The following CDK14 variants were observed in gnomAD, a reference collection of about 807,000 sequenced individuals.
CDK14 encodes cyclin dependent kinase 14.
A neutral mutation model predicts 60.7 loss-of-function variants in CDK14; 34 were observed. The observed-to-expected ratio is 0.56, with a 90% CI of 0.43 to 0.75. CDK14 has a LOEUF of 0.75. Among genes scored for constraint, CDK14 ranks in the 30% least tolerant of loss-of-function variants. CDK14 has a pLI of 0.00. For missense variants in CDK14, 482 were observed against 564.1 expected, an observed-to-expected ratio of 0.85 and a Z score of 1.47; for synonymous variants, 197 against 203.7, an observed-to-expected ratio of 0.97 and a Z score of 0.28.
chr7:90,948,741 C>G (rs1362973885), intron 8 of CDK14, among the ~76,000 whole-genome samples: 1 of 152,112 alleles, frequency 6.6e-6, no homozygotes, highest in Non-Finnish European at 1.5e-5. Context: ...GTTTGCTGAC[C>G]CCAGATCTCA....
chr7:90,957,959 A>T (rs1055016629), intron 9 of CDK14, among the ~76,000 whole-genome samples: 5 of 152,152 alleles, frequency 3.3e-5, no homozygotes, highest in Admixed American at 3.3e-4. Context: ...AATAGGAGTC[A>T]TTTTCCCTGA....
At chr7:90,619,542 A>C (rs1289581186) in intron 2 of CDK14, among the ~76,000 whole-genome samples, 2 of 152,246 alleles carry the variant, frequency 1.3e-5, no homozygotes, top group African/African-American at 2.4e-5. Flanking sequence ...TGAACATAAA[A>C]TACTGATTAT....
At chr7:90,969,480 C>T (rs1794856930) in intron 9 of CDK14, among the ~76,000 whole-genome samples, 1 of 152,122 alleles carries the variant, frequency 6.6e-6, no homozygotes, top group African/African-American at 2.4e-5. Flanking sequence ...AAGATAATTA[C>T]CCATGAATAA....
chr7:90,899,256 A>T, intron 6 of CDK14, 35 bp from the exon 7 acceptor site: 1 of 1,494,520 alleles, frequency 6.7e-7, no homozygotes, highest in Non-Finnish European at 9.2e-7. Context: ...TTATAGCCAG[A>T]GGGTTATTAA....
At chr7:90,632,664 G>A (rs1440209748) in intron 2 of CDK14, 2 of 152,378 alleles carry the variant, frequency 1.3e-5, no homozygotes, top group African/African-American at 4.8e-5. Flanking sequence ...GTTGTAATGA[G>A]GAGTGTTGGC....
At chr7:90,835,740 C>G (rs183203196) in intron 5 of CDK14, among the ~76,000 whole-genome samples, 1 of 152,098 alleles carries the variant, frequency 6.6e-6, no homozygotes, top group Non-Finnish European at 1.5e-5. Flanking sequence ...TCCTGCATCA[C>G]TTAATAACAG....
At chr7:90,946,217 G>A (rs1794095152) in intron 8 of CDK14, among the ~76,000 whole-genome samples, 1 of 152,306 alleles carries the variant, frequency 6.6e-6, no homozygotes, top group Non-Finnish European at 1.5e-5. Flanking sequence ...ATTGTGGTAT[G>A]TATTTATTTC....
At chr7:90,979,525 T>C (rs1795170878) in intron 9 of CDK14, 1 of 152,234 alleles carries the variant, frequency 6.6e-6, no homozygotes, top group Non-Finnish European at 1.5e-5. Flanking sequence ...GAATACGTTA[T>C]AATTACTGTG....
intron 8 of CDK14, among the ~76,000 whole-genome samples, chr7:90,922,927 T>C (rs1290734042): frequency 6.6e-6 from 1 of 152,126 alleles, no homozygotes; most frequent in Admixed American, 6.5e-5. Flanking sequence ...GCTTCCCATA[T>C]GCACAGCCTC....
At chr7:90,923,705 T>C (rs1793324292) in intron 8 of CDK14, among the ~76,000 whole-genome samples, 1 of 152,264 alleles carries the variant, frequency 6.6e-6, no homozygotes, top group Non-Finnish European at 1.5e-5. Flanking sequence ...GGACTGATCA[T>C]CTTATTCTCC....
chr7:91,109,546 A>G lies in CDK14; in HGVS notation c.1155-2996A>G, dbSNP rs186875509. The stretch of plus-strand genomic sequence containing the variant: ...CCAAAAGAAGACAGGTAAAGAGAAA[A>G]AAGGTAAAGGCGGACAAAATAGGAT... On this transcript the variant is annotated intron_variant, in intron 12 of 14. Coordinates refer to ENST00000380050, the MANE Select transcript of CDK14 (RefSeq NM_001287135.2). Among the ~76,000 whole-genome samples the G allele has an allele frequency of 2.4e-3, 369 of 152,286 alleles. 2 individuals are homozygous for G. Among genetic ancestry groups the G allele is most frequent in the African/African-American group, 8.4e-3 (351 of 41,576 alleles).
In CDK14 at chr7:91,208,140, T is replaced by G. The variant is rs1356188277; in HGVS notation, c.*1004T>G. On this transcript the variant is annotated 3_prime_UTR_variant, in exon 15 of 15. Coordinates refer to ENST00000380050, the MANE Select transcript of CDK14 (RefSeq NM_001287135.2). Reference sequence around the variant, plus strand: ...GTTTGCTTAGTTACAACAAAGCACCTTTAAAAAAAATACATTTTAAAAAAA... The same window carrying G: ...GTTTGCTTAGTTACAACAAAGCACCGTTAAAAAAAATACATTTTAAAAAAA... 4 of 152,638 alleles carry G rather than the reference T, an allele frequency of 2.6e-5. No homozygotes were observed. Among genetic ancestry groups the G allele is most frequent in the Non-Finnish European group, 5.9e-5 (4 of 68,028 alleles). The allele number at this position is 152,638 out of a possible 1,614,324, so 9.5% of individuals were successfully genotyped here. A position where few individuals can be genotyped will look rare whatever the true frequency, so the allele number is the denominator to read the frequency against.
chr7:91,144,072 C>A (rs1562923111), intron 14 of CDK14, among the ~76,000 whole-genome samples: 1 of 152,092 alleles, frequency 6.6e-6, no homozygotes, highest in South Asian at 2.1e-4. Flanking sequence ...TCTAGAGAAG[C>A]TTTGGCTACC....
intron 10 of CDK14, among the ~76,000 whole-genome samples, chr7:91,018,471 AT>A (rs141991837): frequency 0.15 from 22,758 of 152,212 alleles, 1,943 homozygotes; most frequent in Middle Eastern, 0.31. Flanking sequence ...TAAATAAAAA[AT>A]ATCTTCTTGC....
rs533716629 is a variant in CDK14, at chr7:90,683,787, C to T, written c.124-42780C>T. On this transcript the variant is annotated intron_variant, in intron 2 of 14. Coordinates refer to ENST00000380050, the MANE Select transcript of CDK14 (RefSeq NM_001287135.2). ...TTGCACTCCAGCCTGGGCGACAGAG[C>T]GAGACTCTGTCTCCAAAAATCCGCA... is the stretch of plus-strand genomic sequence containing the variant. 2.6e-5 allele frequency among the ~76,000 whole-genome samples: 4 copies of T among 152,156 alleles called. No homozygotes were observed. The East Asian group carries it at 5.8e-4, about 22-fold the overall frequency.
At chr7:90,748,298 C>G (rs1179158067) in intron 4 of CDK14, among the ~76,000 whole-genome samples, 1 of 152,156 alleles carries the variant, frequency 6.6e-6, no homozygotes, top group Non-Finnish European at 1.5e-5. Flanking sequence ...ACTGTCTCCT[C>G]CTTTTCTTCT....
intron 9 of CDK14, among the ~76,000 whole-genome samples, chr7:90,966,612 G>T (rs890459341): frequency 1.3e-5 from 2 of 151,920 alleles, no homozygotes; most frequent in Non-Finnish European, 2.9e-5. Context: ...GCTCTCTTCT[G>T]CAACTTTTAT....
At chr7:91,051,662 C>T (rs1189285722) in intron 11 of CDK14, among the ~76,000 whole-genome samples, 2 of 152,232 alleles carry the variant, frequency 1.3e-5, no homozygotes, top group Admixed American at 1.3e-4. Context: ...CATGCTCTAA[C>T]ACAAAGTGAG....
intron 5 of CDK14, among the ~76,000 whole-genome samples, chr7:90,845,428 G>C (rs1320128228): frequency 6.6e-6 from 1 of 150,968 alleles, no homozygotes; most frequent in Non-Finnish European, 1.5e-5. Flanking sequence ...TATTCTGGGG[G>C]AAATTTAAAT....
Sources: gnomAD v4.1 joint callset for allele counts (sites outside exome capture counted in the v4.1 genomes callset) on GRCh38, gnomAD v4.1.1 for gene constraint, MANE v1.5 for transcripts, NCBI Gene and HGNC (gene_info 2026-07-23, HGNC 2026-07-21) for gene names.